The following PLEKHA6 variants were observed in gnomAD, a reference collection of about 807,000 sequenced individuals.
PLEKHA6 encodes pleckstrin homology domain-containing family A member 6.
A neutral mutation model predicts 116.7 loss-of-function variants in PLEKHA6; 60 were observed. The observed-to-expected ratio is 0.51, with a 90% confidence interval of 0.42 to 0.64. PLEKHA6 has a LOEUF of 0.64. Among genes scored for constraint, PLEKHA6 ranks in the 30% least tolerant of loss-of-function variants. The probability of loss-of-function intolerance (pLI) is 0.00; values close to 1 mark genes in which losing one functional copy is unlikely to be tolerated. For missense variants in PLEKHA6, 1,338 were observed against 1,422.7 expected (o/e 0.94, Z 0.96); for synonymous variants, 489 against 556.1 (o/e 0.88, Z 1.70).
Position 204,245,639 on chromosome 1 carries a change from C to A in PLEKHA6, c.2008G>T (p.Gly670Cys), listed in dbSNP as rs1344050157. The A allele has an allele frequency of 6.2e-7, 1 of 1,612,646 alleles. No homozygotes were observed. Among genetic ancestry groups the A allele is most frequent in the Non-Finnish European group, 8.5e-7 (1 of 1,178,892 alleles). ...CCTCTGTGCTTGGCGGTGTCCGTGC[C>A]CCGGGAGGGGTTGTTCTTCCTCAGC... ...EGLRKNNPSR[G>C]TDTAKHRGGL... Residue 670 changes from glycine (G) to cysteine (C), a missense_variant, in exon 14 of 23, where the codon GGC becomes TGC. Around this residue, in one of 3 missense-constraint regions of PLEKHA6, gnomAD observed 1,136 missense variants for 1,163.6 expected, o/e 0.98. Coordinates refer to ENST00000272203, the MANE Select transcript of PLEKHA6 (RefSeq NM_014935.5).
At chr1:204,231,243 T>G (rs1483360175) in intron 17 of PLEKHA6, among the ~76,000 whole-genome samples, 1 of 152,166 alleles carries the variant, frequency 6.6e-6, no homozygotes, top group African/African-American at 2.4e-5. Flanking sequence ...TAGATTTCCT[T>G]GAAGAGATGA....
At chr1:204,280,406 G>T in intron 1 of PLEKHA6, 1 of 985,168 alleles carries the variant, frequency 1.0e-6, no homozygotes, top group South Asian at 4.7e-5. Flanking sequence ...GATCAATATT[G>T]AACGACTGGA....
At chr1:204,334,400 C>T (rs548221044) in intron 1 of PLEKHA6, among the ~76,000 whole-genome samples, 61 of 152,320 alleles carry the variant, frequency 4.0e-4, no homozygotes, top group Middle Eastern at 3.4e-3. Context: ...TTGTGCTCCT[C>T]ATAAGATCAC....
At chr1:204,373,514 C>A (rs1013747089) in intron 1 of PLEKHA6, among the ~76,000 whole-genome samples, 2 of 152,194 alleles carry the variant, frequency 1.3e-5, no homozygotes, top group African/African-American at 2.4e-5. Flanking sequence ...CCACAGCACC[C>A]AGCTGTCTGA....
intron 1 of PLEKHA6, among the ~76,000 whole-genome samples, chr1:204,308,137 A>G (rs1671467827): frequency 6.6e-6 from 1 of 152,166 alleles, no homozygotes. Context: ...GACTGTAGCA[A>G]TTGTAACAAA....
chr1:204,236,256 T>G (rs1234010116), intron 17 of PLEKHA6, among the ~76,000 whole-genome samples: 1 of 152,168 alleles, frequency 6.6e-6, no homozygotes, highest in Non-Finnish European at 1.5e-5. Context: ...ATTTGCTTGG[T>G]TAGCTGAAAT....
chr1:204,258,243 G>A (rs1458814803), intron 8 of PLEKHA6, among the ~76,000 whole-genome samples: 1 of 152,198 alleles, frequency 6.6e-6, no homozygotes, highest in Non-Finnish European at 1.5e-5. Context: ...TAGGAGGGAT[G>A]AAAGAAAGGG....
intron 1 of PLEKHA6, among the ~76,000 whole-genome samples, chr1:204,324,975 T>G (rs1469248456): frequency 6.6e-6 from 1 of 152,108 alleles, no homozygotes; most frequent in Non-Finnish European, 1.5e-5. Context: ...TGGAGTGCAG[T>G]GGCGTGATCT....
intron 3 of PLEKHA6, among the ~76,000 whole-genome samples, chr1:204,365,806 C>T (rs1673636314): frequency 6.6e-6 from 1 of 152,052 alleles, no homozygotes. Context: ...AATACATAAC[C>T]AAACAGATAC....
At chr1:204,311,715 A>C in intron 1 of PLEKHA6, 1 of 912,478 alleles carries the variant, frequency 1.1e-6, no homozygotes, top group Non-Finnish European at 1.3e-6. Context: ...TATTGAATGA[A>C]ATTGAATATA....
At chr1:204,365,345 G>T (rs1673628626) in intron 3 of PLEKHA6, among the ~76,000 whole-genome samples, 1 of 152,196 alleles carries the variant, frequency 6.6e-6, no homozygotes, top group Non-Finnish European at 1.5e-5. Flanking sequence ...AAGATCAGTT[G>T]GAAAGCTTCT....
At chr1:204,370,823 G>A in intron 2 of PLEKHA6, among the ~76,000 whole-genome samples, 1 of 152,118 alleles carries the variant, frequency 6.6e-6, no homozygotes, top group East Asian at 1.9e-4. Flanking sequence ...GGAAGTCGAG[G>A]TGGGTGGATC....
intron 21 of PLEKHA6, among the ~76,000 whole-genome samples, chr1:204,226,164 C>T (rs566080763): frequency 6.6e-5 from 10 of 152,344 alleles, no homozygotes; most frequent in Middle Eastern, 6.8e-3. Context: ...CCTGGCAGAG[C>T]TGTAGCTCTG....
intron 21 of PLEKHA6, among the ~76,000 whole-genome samples, chr1:204,226,370 A>G (rs541521912): frequency 6.6e-6 from 1 of 152,262 alleles, no homozygotes; most frequent in South Asian, 2.1e-4. Context: ...TTTTGTTTTC[A>G]TGGGACCTTT....
At chr1:204,360,984 T>C (rs1673546630), upstream of PLEKHA6, among the ~76,000 whole-genome samples, 1 of 152,166 alleles carries the variant, frequency 6.6e-6, no homozygotes, top group African/African-American at 2.4e-5. Flanking sequence ...AAACACTGAT[T>C]TCATAAACAG....
At chr1:204,352,751 G>A (rs539626151) in intron 1 of PLEKHA6, among the ~76,000 whole-genome samples, 12 of 152,270 alleles carry the variant, frequency 7.9e-5, no homozygotes, top group South Asian at 6.2e-4. Flanking sequence ...TTGGGAGGCC[G>A]AGGCAGGAGG....
Position 204,230,458 on chromosome 1 carries a change from C to T in PLEKHA6, c.2538G>A (p.Pro846=), listed in dbSNP as rs1452511015. 8.2e-6 allele frequency: 13 copies of T among 1,582,390 alleles called. No homozygotes were observed. Among genetic ancestry groups the T allele is most frequent in the South Asian group, 2.3e-5 (2 of 86,618 alleles). The change falls in exon 18 of 23, where the codon CCG becomes CCA. Residue 846 remains proline (P), a synonymous_variant. Coordinates refer to ENST00000272203, the MANE Select transcript of PLEKHA6 (RefSeq NM_014935.5). ...MREKRRSLQL[P]ASPAPDPSPR... ...GACTGGGGTCGGGGGCCGGGCTGGC[C>T]GGGAGCTGCAGGCTCCTCCGCTTCT...
intron 17 of PLEKHA6, among the ~76,000 whole-genome samples, chr1:204,234,609 T>C (rs1023343568): frequency 6.6e-6 from 1 of 152,140 alleles, no homozygotes; most frequent in African/African-American, 2.4e-5. Flanking sequence ...TTGACTGGAT[T>C]GAAGGATACA....
chr1:204,246,858 G>T (rs957602302), intron 13 of PLEKHA6, among the ~76,000 whole-genome samples: 1 of 152,192 alleles, frequency 6.6e-6, no homozygotes, highest in African/African-American at 2.4e-5. Flanking sequence ...AAATCCTGCT[G>T]GGCACAGTGG....
Sources: gnomAD v4.1 joint callset for allele counts (sites outside exome capture counted in the v4.1 genomes callset) on GRCh38, gnomAD v4.1.1 for gene constraint, gnomAD v4.1.1 regional missense constraint, MANE v1.5 for transcripts, NCBI Gene and HGNC (gene_info 2026-07-23, HGNC 2026-07-21) for gene names.